Variants in MKLN1 observed in about 807,000 individuals in gnomAD.
MKLN1 encodes the protein muskelin 1.
In MKLN1, 18 loss-of-function variants were observed where a neutral mutation model predicts 99.0. That is an observed-to-expected ratio of 0.18 (90% confidence interval 0.13 to 0.27). MKLN1 has a LOEUF of 0.27. Ranked by LOEUF, MKLN1 falls within the 10% of genes least tolerant of loss-of-function variation. MKLN1 has a pLI of 1.00. For missense variants in MKLN1, 621 were observed against 875.9 expected, an observed-to-expected ratio of 0.71 and a Z score of 3.67; for synonymous variants, 288 against 293.2, an observed-to-expected ratio of 0.98 and a Z score of 0.18.
At chr7:131,439,062 C>T (rs1018286199) in intron 10 of MKLN1, among the ~76,000 whole-genome samples, 16 of 152,048 alleles carry the variant, frequency 1.1e-4, no homozygotes, top group Admixed American at 1.1e-3. Context: ...GAAATACTCC[C>T]CAGCTTAAAT....
intron 16 of MKLN1, among the ~76,000 whole-genome samples, chr7:131,473,665 T>G (rs765142091): frequency 5.3e-5 from 8 of 152,204 alleles, no homozygotes; most frequent in Non-Finnish European, 5.9e-5. Flanking sequence ...ATTACACTTC[T>G]GCGGAGTTTC....
intron 1 of MKLN1, among the ~76,000 whole-genome samples, chr7:131,123,340 T>C (rs966552502): frequency 1.3e-5 from 2 of 152,236 alleles, no homozygotes; most frequent in African/African-American, 4.8e-5. Context: ...AATTCTGCCA[T>C]TGTAGTGCAA....
At chr7:131,204,064 A>G (rs772345961) in intron 3 of MKLN1, among the ~76,000 whole-genome samples, 2 of 152,216 alleles carry the variant, frequency 1.3e-5, no homozygotes, top group Non-Finnish European at 2.9e-5. Flanking sequence ...CATCCTGTAT[A>G]TAAAGTCTAC....
At chr7:131,379,457 G>C (rs1793771647) in intron 2 of MKLN1, among the ~76,000 whole-genome samples, 1 of 152,028 alleles carries the variant, frequency 6.6e-6, no homozygotes. Flanking sequence ...TGGCAGATTT[G>C]AAAAAGAACC....
intron 1 of MKLN1, among the ~76,000 whole-genome samples, chr7:131,130,834 T>G (rs1795538553): frequency 6.6e-6 from 1 of 152,086 alleles, no homozygotes; most frequent in African/African-American, 2.4e-5. Flanking sequence ...AGTGGATTGC[T>G]TGAGTCCAGG....
intron 3 of MKLN1, among the ~76,000 whole-genome samples, chr7:131,244,016 A>C (rs1212949831): frequency 6.6e-6 from 1 of 152,152 alleles, no homozygotes; most frequent in Non-Finnish European, 1.5e-5. Context: ...CTGTCTCAAA[A>C]AAACAAACAA....
In MKLN1 at chr7:131,144,612, G is replaced by A. The variant is rs181381725; in HGVS notation, c.-297+1671G>A. Among the ~76,000 whole-genome samples, 337 of 152,114 alleles carry A rather than the reference G, an allele frequency of 2.2e-3. 3 individuals carry two copies. The highest frequency in any genetic ancestry group is 7.5e-3 in the African/African-American group (313 of 41,512). ...TCCTCCTGCCTCAACCTCCCAAAGC[G>A]CTGGGGTTACAAGTACATTTTTGAG... On this transcript the variant is annotated intron_variant, in intron 2 of 7. Transcript: ENST00000416992.
intron 3 of MKLN1, among the ~76,000 whole-genome samples, chr7:131,261,542 G>A (rs1797731387): frequency 1.3e-5 from 2 of 152,216 alleles, no homozygotes; most frequent in African/African-American, 2.4e-5. Flanking sequence ...TACATTGGTG[G>A]TGGGAATGTA....
At chr7:131,258,911 C>T (rs1013030360) in intron 3 of MKLN1, among the ~76,000 whole-genome samples, 15 of 151,872 alleles carry the variant, frequency 9.9e-5, no homozygotes, top group Admixed American at 5.3e-4. Flanking sequence ...GAAAATAATC[C>T]CTTTTCCCTC....
Position 131,181,151 on chromosome 7 carries a change from T to C in MKLN1, c.-296-21706T>C, listed in dbSNP as rs751261713. ...AGCAGAGCATGGTGTCACAGGAAGA[T>C]AATGATAATAATTAATGTTAAATCC... On this transcript the variant is annotated intron_variant, in intron 2 of 7. Transcript: ENST00000416992. Among the ~76,000 whole-genome samples the C allele has an allele frequency of 1.2e-4, 19 of 152,214 alleles. 1 individual carries two copies. Among genetic ancestry groups the C allele is most frequent in the Non-Finnish European group, 2.5e-4 (17 of 68,048 alleles).
chr7:131,166,622 A>T (rs1223801078), intron 2 of MKLN1, among the ~76,000 whole-genome samples: 1 of 150,660 alleles, frequency 6.6e-6, no homozygotes, highest in African/African-American at 2.4e-5. Flanking sequence ...TCTGCCTGAA[A>T]CCCTCTTTCC....
intron 1 of MKLN1, among the ~76,000 whole-genome samples, chr7:131,111,484 G>A (rs774910826): frequency 9.9e-5 from 15 of 152,148 alleles, no homozygotes; most frequent in East Asian, 1.9e-4. Context: ...ATTTGGTCTC[G>A]TAGCACTAGC....
At chr7:131,462,048 T>G (rs1358706908) in intron 12 of MKLN1, among the ~76,000 whole-genome samples, 1 of 152,186 alleles carries the variant, frequency 6.6e-6, no homozygotes, top group Admixed American at 6.5e-5. Context: ...TTTATTTGCT[T>G]TAGAGACAGA....
At chr7:131,476,581 A>G (rs1314164476) in intron 16 of MKLN1, among the ~76,000 whole-genome samples, 1 of 152,246 alleles carries the variant, frequency 6.6e-6, no homozygotes, top group South Asian at 2.1e-4. Context: ...GTCTGTTGTA[A>G]GAAATTAAAG....
Position 131,363,933 on chromosome 7 carries a change from G to A in MKLN1, c.99-11491G>A, listed in dbSNP as rs148972913. ...TCTCATATACCATGGTGTTCCCAGA[G>A]CCTATCACATTGTCTAGCACAAGAC... is the stretch of plus-strand genomic sequence containing the variant. On this transcript the variant is annotated intron_variant, in intron 1 of 17. Coordinates refer to ENST00000352689, the MANE Select transcript of MKLN1 (RefSeq NM_013255.5). Among the ~76,000 whole-genome samples the A allele has an allele frequency of 1.5e-4, 23 of 152,098 alleles. No individual in the cohort carries two copies. The East Asian group carries it at 4.4e-3, about 29-fold the overall frequency.
chr7:131,496,304 G>A lies in MKLN1; in HGVS notation c.*8576G>A, dbSNP rs996473284. ...AGCTGGTTGGAGCTTTTAAACAGAA[G>A]TGCTTTATGGGTATCAGATCTCTTC... On this transcript the variant is annotated 3_prime_UTR_variant, in exon 18 of 18. Coordinates refer to ENST00000352689, the MANE Select transcript of MKLN1 (RefSeq NM_013255.5). The A allele has an allele frequency of 1.3e-5, 2 of 152,092 alleles. No individual in the cohort carries two copies. The highest frequency in any genetic ancestry group is 6.5e-5 in the Admixed American group (1 of 15,278). 9.4% of individuals were successfully genotyped at this position (152,092 alleles called of 1,614,324 possible).
chr7:131,456,703 G>T (rs2116576769), intron 12 of MKLN1, among the ~76,000 whole-genome samples: 1 of 152,104 alleles, frequency 6.6e-6, no homozygotes, highest in Middle Eastern at 3.4e-3. Flanking sequence ...GGGTTTAAAG[G>T]TACAAAACTG....
At chr7:131,426,019 C>T (rs909940442) in intron 8 of MKLN1, among the ~76,000 whole-genome samples, 4 of 152,126 alleles carry the variant, frequency 2.6e-5, no homozygotes, top group Non-Finnish European at 4.4e-5. Flanking sequence ...GCTCAGTTTC[C>T]ATCCGATTCA....
intron 3 of MKLN1, among the ~76,000 whole-genome samples, chr7:131,253,391 G>A (rs1797611084): frequency 6.6e-6 from 1 of 152,184 alleles, no homozygotes; most frequent in African/African-American, 2.4e-5. Flanking sequence ...ATGCTGTGGA[G>A]GCTAAGTCCT....
Sources: gnomAD v4.1 joint callset for allele counts (sites outside exome capture counted in the v4.1 genomes callset) on GRCh38, gnomAD v4.1.1 for gene constraint, MANE v1.5 for transcripts, NCBI Gene and HGNC (gene_info 2026-07-23, HGNC 2026-07-21) for gene names.